RAB28: variants seen among roughly 807,000 people sequenced by gnomAD.
RAB28 encodes the protein RAB28, member RAS oncogene family, also known as ras-related protein Rab-28.
In RAB28, 24 loss-of-function variants were observed where a neutral mutation model predicts 31.7. The observed-to-expected ratio is 0.76, with a 90% CI of 0.55 to 1.06. RAB28 has a LOEUF of 1.06. RAB28 is among the 50% of genes least tolerant of loss of function. RAB28 has a pLI of 0.00. For synonymous variants in RAB28, 100 were observed against 90.4 expected (o/e 1.11, Z -0.60); for missense variants, 254 against 258.5 (o/e 0.98, Z 0.12).
chr4:13,468,808 T>A (rs1307627205), intron 3 of RAB28, among the ~76,000 whole-genome samples: 3 of 148,630 alleles, frequency 2.0e-5, no homozygotes. Context: ...ATCAATAAAA[T>A]TGACAAACCT....
chr4:13,476,041 T>G (rs756073186), intron 2 of RAB28, among the ~76,000 whole-genome samples: 15 of 151,590 alleles, frequency 9.9e-5, no homozygotes, highest in Non-Finnish European at 2.1e-4. Flanking sequence ...AGTAAGATTT[T>G]AGGCAATACT....
In RAB28 at chr4:13,368,261, T is replaced by A. The variant is rs975227803; in HGVS notation, c.*297A>T. 1 of 1,038,994 alleles carries A rather than the reference T, an allele frequency of 9.6e-7. No individual in the cohort carries two copies. The highest frequency in any genetic ancestry group is 1.7e-5 in the African/African-American group (1 of 59,350). 64.4% of individuals were successfully genotyped at this position (1,038,994 alleles called of 1,614,324 possible). A position where few individuals can be genotyped will look rare whatever the true frequency, so the allele number is the denominator to read the frequency against. Reference sequence around the variant, plus strand: ...ATTAAGTTAAAAAAATTTACATCAATGAAAAAAGAAGCAAGGACATACAAA... The same window carrying A: ...ATTAAGTTAAAAAAATTTACATCAAAGAAAAAAGAAGCAAGGACATACAAA... On this transcript the variant is annotated 3_prime_UTR_variant, in exon 7 of 7. Transcript: ENST00000330852.
At chr4:13,423,637 G>C (rs865946495) in intron 4 of RAB28, among the ~76,000 whole-genome samples, 3 of 152,108 alleles carry the variant, frequency 2.0e-5, no homozygotes, top group Admixed American at 6.5e-5. Context: ...CACTACAATG[G>C]GACAGTTGAT....
chr4:13,394,260 T>C (rs1226990695), intron 4 of RAB28, among the ~76,000 whole-genome samples: 1 of 152,136 alleles, frequency 6.6e-6, no homozygotes, highest in Non-Finnish European at 1.5e-5. Flanking sequence ...GAAGACAATT[T>C]TTCCACAGAT....
In RAB28 at chr4:13,368,101, T is replaced by C. The variant is rs1017349855; in HGVS notation, c.*457A>G. ...GATAGCGAAAGAATGTCTTCATAAG[T>C]ATCTGTAGGTAAAATATATTACTTG... On this transcript the variant is annotated 3_prime_UTR_variant, in exon 7 of 7. Coordinates refer to ENST00000330852, the MANE Select transcript of RAB28 (RefSeq NM_001017979.3). 1.6e-5 allele frequency: 16 copies of C among 981,464 alleles called. No homozygotes were observed. In the African/African-American group the frequency reaches 2.6e-4, roughly 16 times the overall value. 60.8% of individuals were successfully genotyped at this position (981,464 alleles called of 1,614,324 possible).
At chr4:13,409,260 G>A (rs540235937) in intron 4 of RAB28, among the ~76,000 whole-genome samples, 11 of 152,144 alleles carry the variant, frequency 7.2e-5, no homozygotes, top group East Asian at 3.9e-4. Flanking sequence ...CAATTCCAAC[G>A]AAGAATCACT....
intron 5 of RAB28, among the ~76,000 whole-genome samples, chr4:13,378,081 G>C (rs560447327): frequency 5.7e-4 from 86 of 152,132 alleles, no homozygotes; most frequent in Non-Finnish European, 1.1e-3. Flanking sequence ...TACAGTTCAG[G>C]GGAAAAGTCT....
intron 4 of RAB28, among the ~76,000 whole-genome samples, chr4:13,420,739 T>C (rs1012698109): frequency 1.3e-5 from 2 of 152,148 alleles, no homozygotes; most frequent in African/African-American, 4.8e-5. Flanking sequence ...ATGAACTAGG[T>C]ATTAATGGAA....
chr4:13,439,024 G>T (rs914440144), intron 4 of RAB28, among the ~76,000 whole-genome samples: 4 of 152,140 alleles, frequency 2.6e-5, no homozygotes, highest in Non-Finnish European at 4.4e-5. Context: ...TTTTCCCAAT[G>T]ATTAATGATG....
intron 6 of RAB28, 49 bp downstream of exon 6, chr4:13,376,496 C>T: frequency 7.3e-7 from 1 of 1,368,580 alleles, no homozygotes; most frequent in Non-Finnish European, 1.0e-6. Flanking sequence ...AAATTAATGC[C>T]TTGTAAGAAA....
intron 1 of RAB28, among the ~76,000 whole-genome samples, chr4:13,481,610 A>C (rs760936961): frequency 2.0e-5 from 3 of 152,104 alleles, no homozygotes; most frequent in Non-Finnish European, 4.4e-5. Flanking sequence ...CAAACACTGA[A>C]AAGACAGAAA....
intron 4 of RAB28, among the ~76,000 whole-genome samples, chr4:13,430,412 G>A (rs983075650): frequency 6.6e-6 from 1 of 152,124 alleles, no homozygotes; most frequent in Non-Finnish European, 1.5e-5. Context: ...GAAACTCAGA[G>A]TCCCATGGAA....
At chr4:13,415,731 C>G (rs941157628) in intron 4 of RAB28, among the ~76,000 whole-genome samples, 1 of 152,204 alleles carries the variant, frequency 6.6e-6, no homozygotes, top group African/African-American at 2.4e-5. Context: ...CTCTACGGCG[C>G]CCGGTCCCAA....
intron 4 of RAB28, among the ~76,000 whole-genome samples, chr4:13,382,559 T>C (rs1361493563): frequency 6.6e-6 from 1 of 152,050 alleles, no homozygotes; most frequent in African/African-American, 2.4e-5. Context: ...TCATACTACA[T>C]AAAAGACTTT....
chr4:13,450,398 C>T (rs16888661), intron 4 of RAB28, among the ~76,000 whole-genome samples: 1 of 151,708 alleles, frequency 6.6e-6, no homozygotes, highest in Non-Finnish European at 1.5e-5. Flanking sequence ...ATCAGGGTGG[C>T]ATTCAATAGG....
chr4:13,371,816 G>A, intron 6 of RAB28: 1 of 1,547,532 alleles, frequency 6.5e-7, no homozygotes, highest in Non-Finnish European at 8.7e-7. Flanking sequence ...GAGCCACAAA[G>A]CACACTCGAT....
chr4:13,373,670 C>G (rs1334921054), intron 6 of RAB28, among the ~76,000 whole-genome samples: 1 of 152,088 alleles, frequency 6.6e-6, no homozygotes, highest in African/African-American at 2.4e-5. Flanking sequence ...TTATATAACT[C>G]CCAAATAGGA....
chr4:13,383,075 T>C (rs919049314), intron 4 of RAB28, among the ~76,000 whole-genome samples: 1 of 152,130 alleles, frequency 6.6e-6, no homozygotes, highest in African/African-American at 2.4e-5. Flanking sequence ...TATCTCCTTA[T>C]TTACAAGAAC....
chr4:13,378,005 G>A (rs894122372), intron 5 of RAB28, among the ~76,000 whole-genome samples: 2 of 152,200 alleles, frequency 1.3e-5, no homozygotes, highest in Non-Finnish European at 2.9e-5. Context: ...TTCTAAACAT[G>A]TTAAATTGGG....
Sources: allele counts gnomAD v4.1 joint callset (sites outside exome capture counted in the v4.1 genomes callset), GRCh38; gene constraint gnomAD v4.1.1; transcripts MANE v1.5; gene names NCBI Gene and HGNC (gene_info 2026-07-23, HGNC 2026-07-21).